The following SNX30 variants were observed in gnomAD, a reference collection of about 807,000 sequenced individuals.
SNX30 encodes sorting nexin family member 30, also known as sorting nexin-30.
Under a neutral mutation model 46.4 loss-of-function variants are expected in SNX30, and 24 were observed. The observed-to-expected ratio is 0.52, with a 90% CI of 0.37 to 0.73. SNX30 has a LOEUF of 0.73. SNX30 is among the 30% of genes least tolerant of loss of function. The pLI, the probability that SNX30 is intolerant of heterozygous loss-of-function variation, is 0.00. For missense variants in SNX30, 533 were observed against 555.7 expected (o/e 0.96, Z 0.41); for synonymous variants, 189 against 211.5 (o/e 0.89, Z 0.92).
chr9:112,866,972 T>C (rs111162822), intron 8 of SNX30, among the ~76,000 whole-genome samples: 95 of 15,186 alleles, frequency 6.3e-3, no homozygotes, highest in African/African-American at 9.0e-3. Context: ...GAACTCCTCC[T>C]CCTTCCTCAG....
At chr9:112,852,282 A>G (rs1841041341) in intron 7 of SNX30, among the ~76,000 whole-genome samples, 1 of 151,970 alleles carries the variant, frequency 6.6e-6, no homozygotes, top group Non-Finnish European at 1.5e-5. Flanking sequence ...ATTTTGGGGC[A>G]TTTTGGGTTT....
chr9:112,766,927 A>G (rs943645180), intron 1 of SNX30, among the ~76,000 whole-genome samples: 4 of 152,174 alleles, frequency 2.6e-5, no homozygotes, highest in Admixed American at 6.5e-5. Flanking sequence ...ATGGTTATGC[A>G]AATATCTCTT....
In SNX30 at chr9:112,751,202, C is replaced by G. The variant is rs374557657; in HGVS notation, c.156+45C>G. On this transcript the variant is annotated intron_variant, in intron 1 of 8. Transcript: ENST00000374232. ...GGAGTGGGAGGCTTATTTCGCTCCC[C>G]GTGGGGGGGATGATGGATCCGGAGC... 6.3e-4 allele frequency: 862 copies of G among 1,369,608 alleles called. 10 individuals carry two copies. In the African/African-American group the frequency reaches 0.012, roughly 18 times the overall value. The allele number at this position is 1,369,608 out of a possible 1,614,324, so 84.8% of individuals were successfully genotyped here.
At chr9:112,808,062 T>G (rs1455435963) in intron 2 of SNX30, among the ~76,000 whole-genome samples, 1 of 152,134 alleles carries the variant, frequency 6.6e-6, no homozygotes, top group African/African-American at 2.4e-5. Flanking sequence ...TGACACCAGG[T>G]TTATATTTTG....
downstream of SNX30, chr9:112,877,412 G>A (rs557092941): frequency 1.3e-5 from 2 of 152,490 alleles, no homozygotes; most frequent in African/African-American, 2.4e-5. Context: ...TGGACCAGAA[G>A]GTAAGGAGTT....
chr9:112,796,564 C>G (rs1588119531), intron 1 of SNX30, among the ~76,000 whole-genome samples: 2 of 152,334 alleles, frequency 1.3e-5, no homozygotes, highest in South Asian at 4.1e-4. Context: ...GCTTGTCCAT[C>G]TGCCCTGTAG....
chr9:112,875,430 T>C (rs928823007), downstream of SNX30: 1 of 152,266 alleles, frequency 6.6e-6, no homozygotes, highest in Non-Finnish European at 1.5e-5. Context: ...TCAACTTGAC[T>C]TACTTTAAGA....
At chr9:112,774,805 T>G (rs1228610125) in intron 1 of SNX30, among the ~76,000 whole-genome samples, 3 of 151,900 alleles carry the variant, frequency 2.0e-5, no homozygotes, top group African/African-American at 7.2e-5. Context: ...TTTTTGTTAC[T>G]CAGTTCTATA....
chr9:112,813,938 A>G (rs1378408537), intron 2 of SNX30, among the ~76,000 whole-genome samples: 1 of 152,226 alleles, frequency 6.6e-6, no homozygotes, highest in Non-Finnish European at 1.5e-5. Flanking sequence ...CATTATGCAA[A>G]TATCCTTGCC....
At chr9:112,844,397 A>G (rs1840905694) in intron 6 of SNX30, among the ~76,000 whole-genome samples, 1 of 152,140 alleles carries the variant, frequency 6.6e-6, no homozygotes, top group Non-Finnish European at 1.5e-5. Flanking sequence ...TAGAGTGGGA[A>G]TAGAAATTTG....
chr9:112,841,635 T>C (rs1203989492), intron 6 of SNX30, among the ~76,000 whole-genome samples: 2 of 152,214 alleles, frequency 1.3e-5, no homozygotes, highest in Non-Finnish European at 2.9e-5. Context: ...GGAAAATGTC[T>C]CTGCAGAGTG....
At chr9:112,763,202 C>G (rs3921709) in intron 1 of SNX30, among the ~76,000 whole-genome samples, 1 of 151,710 alleles carries the variant, frequency 6.6e-6, no homozygotes, top group African/African-American at 2.4e-5. Flanking sequence ...GGGCCTTGCT[C>G]TGTTGCCCAG....
upstream of SNX30, among the ~76,000 whole-genome samples, chr9:112,750,195 C>A (rs924408393): frequency 6.6e-6 from 1 of 152,234 alleles, no homozygotes; most frequent in Non-Finnish European, 1.5e-5. Flanking sequence ...TCCAGCTCAG[C>A]TGCAGAAGCA....
At chr9:112,828,503 A>AT (rs570728815) in intron 3 of SNX30, among the ~76,000 whole-genome samples, 207 of 152,076 alleles carry the variant, frequency 1.4e-3, no homozygotes, top group Middle Eastern at 3.4e-3. Context: ...ATTAACTGTA[A>AT]TTTTATTTTT....
intron 1 of SNX30, among the ~76,000 whole-genome samples, chr9:112,768,461 C>T (rs1233758326): frequency 6.6e-6 from 1 of 152,100 alleles, no homozygotes; most frequent in Non-Finnish European, 1.5e-5. Context: ...TTTGTATGCA[C>T]ATTAAACATT....
intron 2 of SNX30, among the ~76,000 whole-genome samples, chr9:112,806,536 A>T (rs1840226827): frequency 6.6e-6 from 1 of 152,216 alleles, no homozygotes; most frequent in Admixed American, 6.5e-5. Context: ...TGTAGAAAAA[A>T]ATCATTTTTT....
rs1050241263 is a variant in SNX30, at chr9:112,870,456, A to G, written c.*1613A>G. ...TGATGCCGCAGTTGGACAGCATAGG[A>G]CGGCTTGGTTCTGTTTCATTGTGTT... On this transcript the variant is annotated 3_prime_UTR_variant, in exon 9 of 9. Coordinates refer to ENST00000374232, the MANE Select transcript of SNX30 (RefSeq NM_001012994.2). 1.3e-5 allele frequency: 2 copies of G among 152,156 alleles called. No individual in the cohort carries two copies. Among genetic ancestry groups the G allele is most frequent in the African/African-American group, 2.4e-5 (1 of 41,418 alleles). 9.4% of individuals were successfully genotyped at this position (152,156 alleles called of 1,614,324 possible).
At chr9:112,835,195 C>G (rs570918370) in intron 4 of SNX30, among the ~76,000 whole-genome samples, 1 of 152,294 alleles carries the variant, frequency 6.6e-6, no homozygotes, top group Admixed American at 6.5e-5. Flanking sequence ...ATATGAGGAA[C>G]AGACACCTGT....
At chr9:112,780,344 C>T (rs183229667) in intron 1 of SNX30, among the ~76,000 whole-genome samples, 29 of 152,284 alleles carry the variant, frequency 1.9e-4, no homozygotes, top group African/African-American at 6.3e-4. Flanking sequence ...CACTAGTGAA[C>T]TGTATACTTA....
Sources: gnomAD v4.1 joint callset for allele counts (sites outside exome capture counted in the v4.1 genomes callset) on GRCh38, gnomAD v4.1.1 for gene constraint, MANE v1.5 for transcripts, NCBI Gene and HGNC (gene_info 2026-07-23, HGNC 2026-07-21) for gene names.